Variants in NUP160 observed in about 807,000 individuals in gnomAD.
NUP160 encodes the protein nuclear pore complex protein Nup160.
Under a neutral mutation model 196.9 loss-of-function variants are expected in NUP160, and 94 were observed. That is an observed-to-expected ratio of 0.48 (90% CI 0.40 to 0.57). The LOEUF (loss-of-function observed/expected upper bound fraction) is 0.57, where lower values mean the gene tolerates loss of function less well. NUP160 is among the 20% of genes least tolerant of loss of function. The pLI, the probability that NUP160 is intolerant of heterozygous loss-of-function variation, is 0.00. For synonymous variants in NUP160, 605 were observed against 619.7 expected (o/e 0.98, Z 0.35); for missense variants, 1,638 against 1,748.3 (o/e 0.94, Z 1.13).
chr11:47,835,384 G>GT (rs1210398074), intron 7 of NUP160, among the ~76,000 whole-genome samples: 3 of 152,138 alleles, frequency 2.0e-5, no homozygotes, highest in East Asian at 3.9e-4. Flanking sequence ...CAGGAATTCT[G>GT]TTTTTTCACC....
Position 47,816,147 on chromosome 11 carries a change from G to T in NUP160, c.1432-118C>A, listed in dbSNP as rs952618972. ...ATATAATAGAGATTTGGCATACCTGGAACACACATCACCCAAGAGAAAGTT... is the reference window on the plus strand; with the variant it reads ...ATATAATAGAGATTTGGCATACCTGTAACACACATCACCCAAGAGAAAGTT... On this transcript the variant is annotated intron_variant, in intron 11 of 35. Transcript: ENST00000378460. 1.3e-5 allele frequency: 8 copies of T among 619,506 alleles called. No individual in the cohort carries two copies. In the African/African-American group the frequency reaches 1.3e-4, roughly 10 times the overall value. The allele number at this position is 619,506 out of a possible 1,614,324, so 38.4% of individuals were successfully genotyped here.
exon 4 of NUP160, chr11:47,839,946 G>A (rs146827628): frequency 8.7e-6 from 14 of 1,613,926 alleles, no homozygotes; most frequent in Middle Eastern, 1.6e-4. Context: ...CTGTAGAGGC[G>A]GTGGAATTAG....
chr11:47,788,850 C>A (rs572071462), intron 29 of NUP160, among the ~76,000 whole-genome samples: 1 of 151,476 alleles, frequency 6.6e-6, no homozygotes, highest in South Asian at 2.1e-4. Context: ...CAAGGTACTA[C>A]ATGTAATTTC....
chr11:47,783,024 A>T, intron 34 of NUP160, 49 bp downstream of exon 34: 1 of 1,523,372 alleles, frequency 6.6e-7, no homozygotes. Context: ...AAAGTTGAAA[A>T]ATCGTAAGTC....
chr11:47,803,667 C>G, intron 21 of NUP160, 131 bp from the exon 22 acceptor site: 1 of 628,716 alleles, frequency 1.6e-6, no homozygotes, highest in Admixed American at 2.6e-5. Flanking sequence ...TGACATAATT[C>G]TGATATTAAA....
At chr11:47,786,693 C>A (rs2097664732) in intron 31 of NUP160, 139 bp from the exon 32 acceptor site, 1 of 619,556 alleles carries the variant, frequency 1.6e-6, no homozygotes, top group Admixed American at 2.5e-5. Flanking sequence ...TGGCTCATCT[C>A]TTCCTCAAGT....
chr11:47,797,907 A>G (rs749687566), intron 26 of NUP160, 23 bp from the exon 27 acceptor site: 11 of 1,590,758 alleles, frequency 6.9e-6, no homozygotes, highest in African/African-American at 1.4e-5. Flanking sequence ...AAGCAATCAG[A>G]TAACTAAGTC....
At chr11:47,808,569 G>A in intron 17 of NUP160, 40 bp from the exon 18 acceptor site, 1 of 1,575,222 alleles carries the variant, frequency 6.3e-7, no homozygotes, top group South Asian at 1.1e-5. Context: ...AGAAATTATA[G>A]CAATTAGTAA....
chr11:47,824,073 A>G (rs1851921531), intron 7 of NUP160, among the ~76,000 whole-genome samples: 1 of 131,760 alleles, frequency 7.6e-6, no homozygotes, highest in Non-Finnish European at 1.6e-5. Flanking sequence ...ATAGAAGTGG[A>G]ATTTCTGGAA....
rs752960943 is a variant in NUP160, at chr11:47,815,993, A to C, written c.1468T>G (p.Ser490Ala). The change falls in exon 12 of 36, where the codon TCC (serine) becomes GCC (alanine). Residue 490 changes from serine to alanine, a missense_variant. Coordinates refer to ENST00000378460, the Ensembl canonical transcript of NUP160. The stretch of plus-strand genomic sequence containing the variant: ...ACTTCTTTCTTCAGTTCACTCCAGG[A>C]AAGATCCAAATTCCTCTCAGTTCCT... The C allele has an allele frequency of 1.2e-6, 2 of 1,613,906 alleles. No homozygotes were observed. Among genetic ancestry groups the C allele is most frequent in the Non-Finnish European group, 1.7e-6 (2 of 1,179,826 alleles).
At chr11:47,803,439 T>G in exon 22 of NUP160, 1 of 1,580,178 alleles carries the variant, frequency 6.3e-7, no homozygotes, top group Non-Finnish European at 8.7e-7. Flanking sequence ...GTAGTTTACC[T>G]TCTGTCCTTC....
rs998761120 is a variant in NUP160 at position 47,780,526 on chromosome 11, T to C, written c.4117-79A>G. Reference sequence around the variant, plus strand: ...GGGTAGTTGCTTTCATAGGACTCTGTAGAATAAAATACCCTTTTTTTTTTT... The same window carrying C: ...GGGTAGTTGCTTTCATAGGACTCTGCAGAATAAAATACCCTTTTTTTTTTT... On this transcript the variant is annotated intron_variant, in intron 34 of 35. Transcript: ENST00000378460. 5 of 797,208 alleles carry C rather than the reference T, an allele frequency of 6.3e-6. No homozygotes were observed. The Admixed American group carries it at 8.2e-5, about 13-fold the overall frequency. 49.4% of individuals were successfully genotyped at this position (797,208 alleles called of 1,614,324 possible). A position where few individuals can be genotyped will look rare whatever the true frequency, so the allele number is the denominator to read the frequency against.
chr11:47,835,071 C>A (rs1254165438), intron 7 of NUP160, among the ~76,000 whole-genome samples: 1 of 152,114 alleles, frequency 6.6e-6, no homozygotes. Flanking sequence ...GGAATCAGAG[C>A]TCCTGCATAG....
chr11:47,806,710 C>T (rs2097677835), intron 19 of NUP160, among the ~76,000 whole-genome samples: 1 of 150,366 alleles, frequency 6.7e-6, no homozygotes, highest in African/African-American at 2.4e-5. Flanking sequence ...ACTAAGATTA[C>T]AAAAGTTACC....
At chr11:47,783,352 C>G (rs556814560) in intron 33 of NUP160, among the ~76,000 whole-genome samples, 154 bp from the exon 34 acceptor site, 94 of 151,950 alleles carry the variant, frequency 6.2e-4, no homozygotes, top group African/African-American at 1.5e-3. Context: ...AGGATAAGAG[C>G]TGATAACAAA....
At position 47,833,674 on chromosome 11, in the gene NUP160, C is replaced by T. The variant is rs117333765; in HGVS notation, c.1101+1977G>A. ...ATAATAGTTGTGCAGAAAGGGTTAACATAGCAGGCCTGAGGCTGCTCTCCT... is the reference window on the plus strand; with the variant it reads ...ATAATAGTTGTGCAGAAAGGGTTAATATAGCAGGCCTGAGGCTGCTCTCCT... On this transcript the variant is annotated intron_variant, in intron 7 of 35. Coordinates refer to ENST00000378460, the Ensembl canonical transcript of NUP160. 1.5e-3 allele frequency among the ~76,000 whole-genome samples: 235 copies of T among 152,214 alleles called. 2 individuals are homozygous for T. Among genetic ancestry groups the T allele is most frequent in the Non-Finnish European group, 2.6e-3 (175 of 68,016 alleles).
intron 10 of NUP160, 82 bp downstream of exon 10, chr11:47,819,292 C>T: frequency 4.1e-6 from 4 of 972,414 alleles, no homozygotes; most frequent in Non-Finnish European, 6.4e-6. Flanking sequence ...CAGCCTGGGC[C>T]ACAGAGCGAG....
chr11:47,801,322 A>T (rs1230016639), intron 23 of NUP160, among the ~76,000 whole-genome samples: 2 of 152,158 alleles, frequency 1.3e-5, no homozygotes, highest in Admixed American at 6.6e-5. Flanking sequence ...CTGGGAAAAA[A>T]TTTTAACTTA....
chr11:47,802,073 T>C (rs533268097), intron 22 of NUP160, 143 bp from the exon 23 acceptor site: 19 of 670,688 alleles, frequency 2.8e-5, no homozygotes, highest in Admixed American at 1.2e-4. Flanking sequence ...TTCTGACACA[T>C]ATGAATTCTA....
Sources: gnomAD v4.1 joint callset for allele counts (sites outside exome capture counted in the v4.1 genomes callset) on GRCh38, gnomAD v4.1.1 for gene constraint, MANE v1.5 for transcripts, NCBI Gene and HGNC (gene_info 2026-07-23, HGNC 2026-07-21) for gene names.